Variants in CRPPA observed in about 807,000 individuals in gnomAD.
The protein encoded by CRPPA is D-ribitol-5-phosphate cytidylyltransferase.
Under a neutral mutation model 52.0 loss-of-function variants are expected in CRPPA, and 43 were observed. That is an observed-to-expected ratio of 0.83 (90% CI 0.65 to 1.07). CRPPA has a LOEUF of 1.07. Among genes scored for constraint, CRPPA ranks in the 50% least tolerant of loss-of-function variants. The pLI, the probability that CRPPA is intolerant of heterozygous loss-of-function variation, is 0.00. For synonymous variants in CRPPA, 250 were observed against 203.5 expected (o/e 1.23, Z -1.94); for missense variants, 629 against 551.7 (o/e 1.14, Z -1.40).
chr7:16,416,933 A>G (rs948290283), intron 1 of CRPPA, among the ~76,000 whole-genome samples: 1 of 152,208 alleles, frequency 6.6e-6, no homozygotes, highest in East Asian at 1.9e-4. Context: ...TCCAGAATCT[A>G]TAAGGAACTG....
chr7:16,239,559 C>CAAAAAAAAAAAAAAAAAAA (rs751232682), intron 8 of CRPPA, among the ~76,000 whole-genome samples: 3 of 47,632 alleles, frequency 6.3e-5, no homozygotes, highest in Non-Finnish European at 7.9e-5. Context: ...AAGTCAATAG[C>CAAAAAAAAAAAAAAAAAAA]AAAAAAAAAA....
chr7:16,093,814 T>G (rs1180838748), intron 9 of CRPPA, among the ~76,000 whole-genome samples: 1 of 152,206 alleles, frequency 6.6e-6, no homozygotes, highest in African/African-American at 2.4e-5. Context: ...TTGTCATTCT[T>G]AATGATCAAT....
intron 3 of CRPPA, among the ~76,000 whole-genome samples, chr7:16,351,329 C>T (rs569058500): frequency 6.6e-6 from 1 of 152,170 alleles, no homozygotes; most frequent in Non-Finnish European, 1.5e-5. Flanking sequence ...CTAGGTAATA[C>T]CATTCAGGAC....
chr7:16,404,348 T>C (rs1342369284), intron 2 of CRPPA, among the ~76,000 whole-genome samples: 2 of 152,146 alleles, frequency 1.3e-5, no homozygotes, highest in South Asian at 4.1e-4. Context: ...AACAATCTAA[T>C]AGGAACTCCC....
chr7:16,097,159 G>C (rs1288200656), intron 9 of CRPPA, among the ~76,000 whole-genome samples: 1 of 152,010 alleles, frequency 6.6e-6, no homozygotes, highest in Non-Finnish European at 1.5e-5. Flanking sequence ...CAAGGCTTCA[G>C]TAAAAGGCCC....
chr7:16,340,828 T>G (rs1338854032), intron 3 of CRPPA, among the ~76,000 whole-genome samples: 1 of 152,144 alleles, frequency 6.6e-6, no homozygotes, highest in Non-Finnish European at 1.5e-5. Context: ...GTTTTATTTA[T>G]AATTTCTAAA....
chr7:16,312,183 T>C (rs2128425527), intron 3 of CRPPA, among the ~76,000 whole-genome samples: 1 of 152,170 alleles, frequency 6.6e-6, no homozygotes, highest in East Asian at 1.9e-4. Flanking sequence ...TGATTGGGAT[T>C]GCATCAAATT....
chr7:16,364,080 G>T (rs79115112), intron 3 of CRPPA, among the ~76,000 whole-genome samples: 1 of 152,018 alleles, frequency 6.6e-6, no homozygotes, highest in South Asian at 2.1e-4. Flanking sequence ...TTAATCCCAA[G>T]ATCTTTTTCA....
At chr7:16,250,107 C>T (rs1320983282) in intron 8 of CRPPA, among the ~76,000 whole-genome samples, 2 of 152,076 alleles carry the variant, frequency 1.3e-5, no homozygotes, top group African/African-American at 4.8e-5. Context: ...ACAGCTGAAT[C>T]GATCAGGCAG....
intron 9 of CRPPA, among the ~76,000 whole-genome samples, chr7:16,187,359 G>A (rs747621722): frequency 6.6e-6 from 1 of 152,098 alleles, no homozygotes; most frequent in East Asian, 1.9e-4. Context: ...TCTGAATTGT[G>A]TAACAATATG....
At chr7:16,227,924 T>C (rs35236720) in intron 8 of CRPPA, among the ~76,000 whole-genome samples, 2 of 151,896 alleles carry the variant, frequency 1.3e-5, no homozygotes, top group Non-Finnish European at 2.9e-5. Flanking sequence ...TTGTATATGG[T>C]GTGAGATAAG....
Position 16,259,116 on chromosome 7 carries a change from G to A in CRPPA, c.934-104C>T, listed in dbSNP as rs1417832889. ...TTGCTAGAAGGCCCATAAAGCCAAG[G>A]ACCATATATTTTTTAAAAAAATGAA... On this transcript the variant is annotated intron_variant, in intron 6 of 9. Transcript: ENST00000407010. 4.8e-6 allele frequency: 3 copies of A among 620,212 alleles called. No homozygotes were observed. The African/African-American group carries it at 8.5e-5, about 17-fold the overall frequency. The allele number at this position is 620,212 out of a possible 1,614,324, so 38.4% of individuals were successfully genotyped here. A position where few individuals can be genotyped will look rare whatever the true frequency, so the allele number is the denominator to read the frequency against.
At position 16,090,072 on chromosome 7, in the gene CRPPA, C is replaced by T. The variant is rs1280608127; in HGVS notation, c.*1623G>A. 1.3e-5 allele frequency: 2 copies of T among 152,354 alleles called. No homozygotes were observed. The highest frequency in any genetic ancestry group is 4.8e-5 in the African/African-American group (2 of 41,436). 9.4% of individuals were successfully genotyped at this position (152,354 alleles called of 1,614,324 possible). A position where few individuals can be genotyped will look rare whatever the true frequency, so the allele number is the denominator to read the frequency against. Reference sequence around the variant, plus strand: ...GCCGACATCTGAACAAAGGCACAGACATTCCTAACCACAATCCACACATTG... The same window carrying T: ...GCCGACATCTGAACAAAGGCACAGATATTCCTAACCACAATCCACACATTG... On this transcript the variant is annotated 3_prime_UTR_variant, in exon 10 of 10. Transcript: ENST00000407010.
At chr7:16,189,371 A>G (rs1413763679) in intron 9 of CRPPA, among the ~76,000 whole-genome samples, 1 of 152,186 alleles carries the variant, frequency 6.6e-6, no homozygotes, top group Non-Finnish European at 1.5e-5. Context: ...GCTAAAAAGT[A>G]CACAAGAAAA....
chr7:16,414,349 C>CAA (rs1788139332), intron 1 of CRPPA, among the ~76,000 whole-genome samples: 1 of 101,342 alleles, frequency 9.9e-6, no homozygotes, highest in Non-Finnish European at 2.2e-5. Context: ...CCCCCTACCC[C>CAA]AACACACACA....
At chr7:16,140,324 AT>A (rs376608696) in intron 9 of CRPPA, among the ~76,000 whole-genome samples, 334 of 144,960 alleles carry the variant, frequency 2.3e-3, no homozygotes, top group African/African-American at 3.9e-3. Context: ...TGCCAGGCTA[AT>A]TTTTTTTTTT....
rs1788337107 is a variant in CRPPA at position 16,421,427 on chromosome 7, G to A, written c.-105C>T. On this transcript the variant is annotated 5_prime_UTR_variant, in exon 1 of 10. Coordinates refer to ENST00000407010, the MANE Select transcript of CRPPA (RefSeq NM_001101426.4). ...GGGGCGAAGGGCAGACCACGGAGAG[G>A]GACGCAGAGCGCGCAAGCAGAAGGC... The A allele has an allele frequency of 2.7e-6, 3 of 1,115,926 alleles. No individual in the cohort carries two copies. Among genetic ancestry groups the A allele is most frequent in the East Asian group, 3.5e-5 (1 of 28,724 alleles). 69.1% of individuals were successfully genotyped at this position (1,115,926 alleles called of 1,614,324 possible).
chr7:16,318,423 A>C (rs1240512451), intron 3 of CRPPA, among the ~76,000 whole-genome samples: 1 of 152,062 alleles, frequency 6.6e-6, no homozygotes, highest in Non-Finnish European at 1.5e-5. Context: ...CCTTCACTCC[A>C]CTTTGTCCTC....
At chr7:16,137,067 C>T (rs571832840) in intron 9 of CRPPA, among the ~76,000 whole-genome samples, 1 of 152,364 alleles carries the variant, frequency 6.6e-6, no homozygotes, top group African/African-American at 2.4e-5. Flanking sequence ...GAGCTATGGG[C>T]TCAATATTTG....
Sources: allele counts gnomAD v4.1 joint callset (sites outside exome capture counted in the v4.1 genomes callset), GRCh38; gene constraint gnomAD v4.1.1; transcripts MANE v1.5; gene names NCBI Gene and HGNC (gene_info 2026-07-23, HGNC 2026-07-21).